DTNA: variants seen among roughly 807,000 people sequenced by gnomAD.
The protein encoded by DTNA is dystrobrevin alpha.
In DTNA, 43 loss-of-function variants were observed where a neutral mutation model predicts 100.7. The ratio of observed to expected loss-of-function variants is 0.43; its 90% CI spans 0.33 to 0.55. The LOEUF is 0.55. Among genes scored for constraint, DTNA ranks in the 20% least tolerant of loss-of-function variants. The pLI is 0.04. For missense variants in DTNA, 798 were observed against 953.9 expected (o/e 0.84, Z 2.15); for synonymous variants, 349 against 347.9 (o/e 1.00, Z -0.04).
intron 1 of DTNA, among the ~76,000 whole-genome samples, chr18:34,575,645 T>C (rs1016756914): frequency 1.1e-4 from 17 of 152,350 alleles, no homozygotes; most frequent in Middle Eastern, 3.4e-3. Flanking sequence ...TCGAAATTTT[T>C]CTTTAATACT....
chr18:34,565,600 C>T (rs1411442208), intron 1 of DTNA, among the ~76,000 whole-genome samples: 1 of 152,140 alleles, frequency 6.6e-6, no homozygotes, highest in African/African-American at 2.4e-5. Flanking sequence ...TTCTGATGGC[C>T]CAGAGCATTC....
At chr18:34,801,887 A>G (rs932037383) in intron 4 of DTNA, among the ~76,000 whole-genome samples, 4 of 152,232 alleles carry the variant, frequency 2.6e-5, no homozygotes, top group African/African-American at 9.6e-5. Context: ...TTACCAAAGA[A>G]TTAACTGTAC....
chr18:34,597,776 G>GC (rs952904264), intron 1 of DTNA, among the ~76,000 whole-genome samples: 18 of 47,682 alleles, frequency 3.8e-4, no homozygotes, highest in East Asian at 1.3e-3. Context: ...ACCGCCCCCC[G>GC]CCCCCCCAGA....
At chr18:34,846,733 G>A (rs1046059000) in intron 13 of DTNA, among the ~76,000 whole-genome samples, 2 of 151,896 alleles carry the variant, frequency 1.3e-5, no homozygotes, top group South Asian at 2.1e-4. Context: ...AAGTGACATA[G>A]CCAAAATGCT....
At chr18:34,592,667 G>A (rs1220626919) in intron 1 of DTNA, among the ~76,000 whole-genome samples, 1 of 151,934 alleles carries the variant, frequency 6.6e-6, no homozygotes, top group African/African-American at 2.4e-5. Flanking sequence ...TGCACAGATT[G>A]AACAGTTGCC....
At chr18:34,750,121 C>T (rs1253062508) in intron 1 of DTNA, among the ~76,000 whole-genome samples, 1 of 152,172 alleles carries the variant, frequency 6.6e-6, no homozygotes, top group Non-Finnish European at 1.5e-5. Flanking sequence ...GTAATGCTGT[C>T]ATCATATTAA....
intron 4 of DTNA, among the ~76,000 whole-genome samples, chr18:34,797,985 TGTC>T (rs141087245): frequency 0.087 from 13,289 of 152,198 alleles, 662 homozygotes; most frequent in Non-Finnish European, 0.11. Flanking sequence ...TCTGAGCTCT[TGTC>T]GTACTAATTT....
intron 3 of DTNA, among the ~76,000 whole-genome samples, chr18:34,780,421 C>T (rs1056339892): frequency 6.6e-6 from 1 of 152,188 alleles, no homozygotes; most frequent in African/African-American, 2.4e-5. Context: ...AGCATGTGGA[C>T]CAGCAAACCT....
At chr18:34,765,492 A>C (rs1297044322) in intron 2 of DTNA, among the ~76,000 whole-genome samples, 2 of 152,338 alleles carry the variant, frequency 1.3e-5, no homozygotes, top group South Asian at 2.1e-4. Flanking sequence ...CAAGTGAGAA[A>C]ACTGAAGCTC....
intron 2 of DTNA, among the ~76,000 whole-genome samples, chr18:34,756,317 C>T (rs1273789922): frequency 6.6e-6 from 1 of 152,164 alleles, no homozygotes; most frequent in African/African-American, 2.4e-5. Flanking sequence ...TGCACATACA[C>T]AGACAGTTGA....
intron 1 of DTNA, among the ~76,000 whole-genome samples, chr18:34,581,738 C>G (rs1229437686): frequency 6.6e-6 from 1 of 151,694 alleles, no homozygotes; most frequent in East Asian, 1.9e-4. Flanking sequence ...ATTCTCCTGC[C>G]TCAGCCACCC....
chr18:34,619,937 T>A (rs955743074), intron 1 of DTNA, among the ~76,000 whole-genome samples: 9 of 152,146 alleles, frequency 5.9e-5, no homozygotes, highest in African/African-American at 2.2e-4. Context: ...AAAAGTTAAT[T>A]GTATCATCAT....
intron 1 of DTNA, among the ~76,000 whole-genome samples, chr18:34,516,975 G>A (rs954952050): frequency 7.9e-5 from 12 of 151,474 alleles, no homozygotes; most frequent in South Asian, 2.1e-4. Flanking sequence ...AAATGTCCAC[G>A]AAATCTTCAC....
chr18:34,642,916 ACAGAAATTCAGACCCTC>A (rs2059455317), intron 1 of DTNA, among the ~76,000 whole-genome samples: 1 of 152,158 alleles, frequency 6.6e-6, no homozygotes, highest in Non-Finnish European at 1.5e-5. Flanking sequence ...CTCTCTGCTT[ACAGAAATTCAGACCCTC>A]CCAGAAATGT....
chr18:34,889,401 G>A lies in DTNA; in HGVS notation c.*1667G>A, dbSNP rs755918915. On this transcript the variant is annotated 3_prime_UTR_variant, in exon 23 of 23. Transcript: ENST00000444659. ...AACCCTCTAGGTGATTCTGATGCTC[G>A]CTAAAGGTTGAGAACTACTGCTTTA... The A allele has an allele frequency of 6.8e-5, 67 of 985,084 alleles. No individual in the cohort carries two copies. The highest frequency in any genetic ancestry group is 7.8e-5 in the Non-Finnish European group (65 of 829,748). 61.0% of individuals were successfully genotyped at this position (985,084 alleles called of 1,614,324 possible).
chr18:34,532,883 G>A (rs1411000046), intron 1 of DTNA, among the ~76,000 whole-genome samples: 1 of 151,962 alleles, frequency 6.6e-6, no homozygotes, highest in Non-Finnish European at 1.5e-5. Context: ...GGAATTGAAG[G>A]TGGAAAGGTG....
At chr18:34,637,234 GGGCC>G (rs2058759301) in intron 1 of DTNA, among the ~76,000 whole-genome samples, 1 of 152,140 alleles carries the variant, frequency 6.6e-6, no homozygotes, top group Non-Finnish European at 1.5e-5. Context: ...ATTTGTTTCA[GGGCC>G]AGTCTGTTGC....
chr18:34,634,664 T>A (rs892692508), intron 1 of DTNA, among the ~76,000 whole-genome samples: 1 of 152,150 alleles, frequency 6.6e-6, no homozygotes, highest in Non-Finnish European at 1.5e-5. Flanking sequence ...TTCTTTTATA[T>A]AGCACCTAAA....
At chr18:34,864,734 A>G (rs958534758) in intron 17 of DTNA, among the ~76,000 whole-genome samples, 1 of 152,256 alleles carries the variant, frequency 6.6e-6, no homozygotes, top group Non-Finnish European at 1.5e-5. Flanking sequence ...GACTGTTAAT[A>G]TCAGTAAAAT....
Sources: allele counts gnomAD v4.1 joint callset (sites outside exome capture counted in the v4.1 genomes callset), GRCh38; gene constraint gnomAD v4.1.1; transcripts MANE v1.5; gene names NCBI Gene and HGNC (gene_info 2026-07-23, HGNC 2026-07-21).